The following BTG4 variants were observed in gnomAD, a reference collection of about 807,000 sequenced individuals.
BTG4 encodes protein BTG4.
Under a neutral mutation model 19.3 loss-of-function variants are expected in BTG4, and 10 were observed. The observed-to-expected ratio is 0.52, with a 90% CI of 0.32 to 0.88. The LOEUF (loss-of-function observed/expected upper bound fraction) is 0.88. Among genes scored for constraint, BTG4 ranks in the 40% least tolerant of loss-of-function variants. The pLI, the probability that BTG4 is intolerant of heterozygous loss-of-function variation, is 0.04. For missense variants in BTG4, 238 were observed against 281.9 expected (o/e 0.84, Z 1.11); for synonymous variants, 91 against 95.7 (o/e 0.95, Z 0.29).
intron 5 of BTG4, among the ~76,000 whole-genome samples, chr11:111,484,559 T>C (rs1172503590): frequency 2.0e-5 from 3 of 152,052 alleles, no homozygotes; most frequent in Non-Finnish European, 4.4e-5. Flanking sequence ...GTAATCACAG[T>C]TGTCACCATT....
At chr11:111,471,742 A>C (rs953828374) in intron 5 of BTG4, among the ~76,000 whole-genome samples, 1 of 152,212 alleles carries the variant, frequency 6.6e-6, no homozygotes, top group East Asian at 1.9e-4. Flanking sequence ...TCTCTAACCC[A>C]TACCTCCAAC....
the BTG4 span, among the ~76,000 whole-genome samples, chr11:111,437,354 C>A: frequency 6.6e-6 from 1 of 152,154 alleles, no homozygotes; most frequent in African/African-American, 2.4e-5. Flanking sequence ...AAATGACCCT[C>A]AGTTTTTACC....
At chr11:111,471,141 A>G (rs504827) in intron 5 of BTG4, among the ~76,000 whole-genome samples, 151,538 of 152,256 alleles carry the variant, frequency 1, 75,418 homozygotes, top group Middle Eastern at 1. Context: ...GATCCACCCA[A>G]CAAGCCTGCA....
intron 5 of BTG4, among the ~76,000 whole-genome samples, chr11:111,488,331 G>A (rs775460843): frequency 4.3e-4 from 66 of 152,140 alleles, no homozygotes; most frequent in African/African-American, 1.5e-3. Flanking sequence ...TTCAACAAAG[G>A]TGCAAAGAAC....
the BTG4 span, among the ~76,000 whole-genome samples, chr11:111,424,454 ATT>A: frequency 6.6e-6 from 1 of 152,154 alleles, no homozygotes; most frequent in Admixed American, 6.5e-5. Context: ...CCTCAATATA[ATT>A]TTTGCTGTAA....
At chr11:111,385,934 T>G in the BTG4 span, 3 of 152,128 alleles carry the variant, frequency 2.0e-5, no homozygotes, top group Admixed American at 1.3e-4. Flanking sequence ...GAGGCCAAGG[T>G]GGGAGGATCG....
chr11:111,513,331 A>C (rs1867085810), upstream of BTG4: 1 of 512,010 alleles, frequency 2.0e-6, no homozygotes, highest in African/African-American at 1.9e-5. Context: ...ATCGTCTAGT[A>C]GAGTATTCAC....
At chr11:111,497,860 G>T in intron 3 of BTG4, 138 bp downstream of exon 3, 1 of 949,674 alleles carries the variant, frequency 1.1e-6, no homozygotes. Flanking sequence ...ACAGAAGTTT[G>T]CATCTAAAAT....
chr11:111,392,378 C>T, the BTG4 span, among the ~76,000 whole-genome samples: 1 of 151,818 alleles, frequency 6.6e-6, no homozygotes, highest in Non-Finnish European at 1.5e-5. Flanking sequence ...GGGGTTTCAC[C>T]GTATTAGCCA....
chr11:111,392,710 T>C, the BTG4 span, among the ~76,000 whole-genome samples: 1 of 152,188 alleles, frequency 6.6e-6, no homozygotes, highest in East Asian at 1.9e-4. Flanking sequence ...CATCCCTCAC[T>C]GCTTGGCTCT....
chr11:111,439,410 A>G, the BTG4 span, among the ~76,000 whole-genome samples: 1 of 152,100 alleles, frequency 6.6e-6, no homozygotes, highest in South Asian at 2.1e-4. Flanking sequence ...AAGAGAGCCC[A>G]GCACAGCCGC....
chr11:111,495,562 A>G (rs1294192842), intron 4 of BTG4, among the ~76,000 whole-genome samples: 1 of 152,220 alleles, frequency 6.6e-6, no homozygotes, highest in Non-Finnish European at 1.5e-5. Context: ...GTTTATGTTT[A>G]TTCTTGAATT....
chr11:111,422,364 C>T, the BTG4 span, among the ~76,000 whole-genome samples: 2 of 152,328 alleles, frequency 1.3e-5, no homozygotes, highest in East Asian at 3.9e-4. Context: ...CTCTCATGCT[C>T]ATGAGAAATG....
At chr11:111,385,761 TAGAAACTTAGGACTAGAA>T in the BTG4 span, 1 of 152,206 alleles carries the variant, frequency 6.6e-6, no homozygotes, top group Non-Finnish European at 1.5e-5. Flanking sequence ...AAATAACTCT[TAGAAACTTAGGACTAGAA>T]GGAAACTTCC....
At chr11:111,451,309 A>G in the BTG4 span, 2 of 410,942 alleles carry the variant, frequency 4.9e-6, no homozygotes, top group South Asian at 1.7e-5. Flanking sequence ...CTGGCTGAGG[A>G]GTCCCAGCTC....
the BTG4 span, among the ~76,000 whole-genome samples, chr11:111,390,726 C>G: frequency 6.6e-6 from 1 of 152,214 alleles, no homozygotes; most frequent in East Asian, 1.9e-4. Context: ...AAGAGTCCAA[C>G]AGGACTCTGA....
the BTG4 span, among the ~76,000 whole-genome samples, chr11:111,438,143 G>A: frequency 6.6e-6 from 1 of 152,214 alleles, no homozygotes; most frequent in Non-Finnish European, 1.5e-5. Flanking sequence ...AGCCACAGAG[G>A]CATCAACAGA....
At chr11:111,417,331 T>G in the BTG4 span, 1 of 152,366 alleles carries the variant, frequency 6.6e-6, no homozygotes, top group African/African-American at 2.4e-5. Flanking sequence ...CTGTCCCCTC[T>G]TTGCTGATCT....
chr11:111,448,440 C>T, the BTG4 span: 1 of 152,774 alleles, frequency 6.5e-6, no homozygotes, highest in Non-Finnish European at 1.5e-5. Flanking sequence ...GCATGGCTGT[C>T]CCCCTACAGG....
Sources: gnomAD v4.1 joint callset for allele counts (sites outside exome capture counted in the v4.1 genomes callset) on GRCh38, gnomAD v4.1.1 for gene constraint, MANE v1.5 for transcripts, NCBI Gene and HGNC (gene_info 2026-07-23, HGNC 2026-07-21) for gene names.